Variants in SLC16A6 observed in about 807,000 individuals in gnomAD.
SLC16A6 encodes the protein monocarboxylate transporter 7.
A neutral mutation model predicts 33.8 loss-of-function variants in SLC16A6; 15 were observed. That is an observed-to-expected ratio of 0.44 (90% CI 0.30 to 0.68). The LOEUF (loss-of-function observed/expected upper bound fraction) is 0.68, where lower values mean the gene tolerates loss of function less well. Ranked by LOEUF, SLC16A6 falls within the 30% of genes least tolerant of loss-of-function variation. The pLI is 0.10. For synonymous variants in SLC16A6, 219 were observed against 248.4 expected, an observed-to-expected ratio of 0.88 and a Z score of 1.11; for missense variants, 451 against 661.5, an observed-to-expected ratio of 0.68 and a Z score of 3.49.
chr17:68,287,752 C>T (rs782220888), intron 1 of SLC16A6, among the ~76,000 whole-genome samples: 19 of 151,964 alleles, frequency 1.3e-4, no homozygotes, highest in Non-Finnish European at 2.5e-4. Flanking sequence ...AAGATAAGAC[C>T]ACAATATAAA....
At chr17:68,289,614 T>C (rs2075922644) in intron 1 of SLC16A6, among the ~76,000 whole-genome samples, 1 of 152,340 alleles carries the variant, frequency 6.6e-6, no homozygotes, top group Non-Finnish European at 1.5e-5. Context: ...CCAGTCTGTA[T>C]TTGGCTAAAG....
At position 68,270,885 on chromosome 17, in the gene SLC16A6, G is replaced by A. The variant is rs782280325; in HGVS notation, c.1275C>T (p.Tyr425=). ...IEKMSSAAGV[Y]IFIQSIAGLA... ...GTCCTGCTATGCTCTGAATGAAGATGTAGACCCCAGCTGCAGAAGACATCT... is the reference window on the plus strand; with the variant it reads ...GTCCTGCTATGCTCTGAATGAAGATATAGACCCCAGCTGCAGAAGACATCT... Residue 425 remains tyrosine, a synonymous_variant, in exon 5 of 6, where the codon TAC becomes TAT. Transcript: ENST00000580666. 24 of 1,614,008 alleles carry A rather than the reference G, an allele frequency of 1.5e-5. No homozygotes were observed. In the Admixed American group the frequency reaches 1.5e-4, roughly 10 times the overall value.
Position 68,271,029 on chromosome 17 carries a change from A to G in SLC16A6, c.1131T>C (p.Thr377=). 5 of 1,614,222 alleles carry G rather than the reference A, an allele frequency of 3.1e-6. No homozygotes were observed. Among genetic ancestry groups the G allele is most frequent in the Non-Finnish European group, 4.2e-6 (5 of 1,180,048 alleles). The change falls in exon 5 of 6, where the codon ACT becomes ACC. Residue 377 remains threonine (T), a synonymous_variant. Coordinates refer to ENST00000580666, the MANE Select transcript of SLC16A6 (RefSeq NM_004694.5). This position sits in a 1 kb window ranked among gnomAD's most constrained non-coding sequence, Gnocchi z 5.3. ...TTAGACCCCAGAATTCAGTAGCAAAAGTAAAGGCAAACAGAGACACAGTCA... is the reference window on the plus strand; with the variant it reads ...TTAGACCCCAGAATTCAGTAGCAAAGGTAAAGGCAAACAGAGACACAGTCA... ...ILLTVSLFAF[T]FATEFWGLMS...
At chr17:68,286,206 C>G (rs1193093686) in intron 1 of SLC16A6, among the ~76,000 whole-genome samples, 2 of 152,202 alleles carry the variant, frequency 1.3e-5, no homozygotes, top group Admixed American at 1.3e-4. Flanking sequence ...CACTGAAGTT[C>G]TGGTGCCAGC....
At position 68,271,193 on chromosome 17, in the gene SLC16A6, C is replaced by G. The variant is rs531982378; in HGVS notation, c.967G>C (p.Gly323Arg). Reference sequence around the variant, plus strand: ...AAAGCAGCGCGGTCCTGGTCAATGCCCAGACTAATGCCCAGAGGAATGATG... The same window carrying G: ...AAAGCAGCGCGGTCCTGGTCAATGCGCAGACTAATGCCCAGAGGAATGATG... ...LYIIPLGISL[G>R]IDQDRAAFLL... Residue 323 changes from glycine (G) to arginine (R), a missense_variant, in exon 5 of 6, where the codon GGC (glycine) becomes CGC (arginine). By Grantham distance (125) the Gly-to-Arg change is moderately radical. Around this residue, in one of 2 missense-constraint regions of SLC16A6, gnomAD observed 405 missense variants for 510.7 expected, o/e 0.79. Coordinates refer to ENST00000580666, the MANE Select transcript of SLC16A6 (RefSeq NM_004694.5). This position sits in a 1 kb window ranked among gnomAD's most constrained non-coding sequence, Gnocchi z 5.3. 6.2e-7 allele frequency: 1 copy of G among 1,613,998 alleles called. No individual in the cohort carries two copies. The highest frequency in any genetic ancestry group is 2.2e-5 in the East Asian group (1 of 44,886).
intron 1 of SLC16A6, among the ~76,000 whole-genome samples, chr17:68,282,062 T>C (rs2075711629): frequency 6.6e-6 from 1 of 152,178 alleles, no homozygotes. Flanking sequence ...GTATGTTTAT[T>C]GCGGCACTAT....
chr17:68,277,402 T>C (rs2075558892), intron 2 of SLC16A6, among the ~76,000 whole-genome samples: 1 of 152,024 alleles, frequency 6.6e-6, no homozygotes, highest in South Asian at 2.1e-4. Flanking sequence ...AGTGCTGGGA[T>C]TACAGGCGTG....
chr17:68,274,215 C>CAA, intron 2 of SLC16A6, 145 bp from the exon 3 acceptor site: 1 of 803,146 alleles, frequency 1.2e-6, no homozygotes, highest in Non-Finnish European at 1.9e-6. Context: ...CCTGTAATCC[C>CAA]AGCACTTTGG....
At position 68,286,848 on chromosome 17, in the gene SLC16A6, G is replaced by A. The variant is rs146668788; in HGVS notation, c.-8+4238C>T. ...CTATTAATCAACTGATGGCTTAAGC[G>A]AAGCCTGGTGGCCCAAGGAAACTGA... is the stretch of plus-strand genomic sequence containing the variant. On this transcript the variant is annotated intron_variant, in intron 1 of 5. Coordinates refer to ENST00000580666, the MANE Select transcript of SLC16A6 (RefSeq NM_004694.5). 1.1e-3 allele frequency among the ~76,000 whole-genome samples: 164 copies of A among 152,284 alleles called. 2 individuals are homozygous for A. The East Asian group carries it at 0.028, about 26-fold the overall frequency.
chr17:68,270,337 C>T (rs9891425), intron 5 of SLC16A6, among the ~76,000 whole-genome samples: 8,411 of 151,944 alleles, frequency 0.055, 767 homozygotes, highest in African/African-American at 0.19. Flanking sequence ...AGGCGGATCA[C>T]GAGGTCAAGA....
chr17:68,274,152 G>A (rs2075435746), intron 2 of SLC16A6, 82 bp from the exon 3 acceptor site: 1 of 1,418,482 alleles, frequency 7.0e-7, no homozygotes. Context: ...TCCACGTCTT[G>A]CACATGGAGA....
At chr17:68,273,804 T>C (rs550607933) in intron 3 of SLC16A6, 123 bp downstream of exon 3, 83 of 1,196,326 alleles carry the variant, frequency 6.9e-5, no homozygotes, top group Non-Finnish European at 9.7e-5. Flanking sequence ...TCTGAGACAC[T>C]GTTAATGTTA....
intron 1 of SLC16A6, 140 bp from the exon 2 acceptor site, chr17:68,278,467 T>C: frequency 1.6e-6 from 1 of 607,248 alleles, no homozygotes; most frequent in Middle Eastern, 4.5e-4. Flanking sequence ...ATTTATTTAT[T>C]GAGATGGAGT....
At chr17:68,286,666 G>A (rs782058399) in intron 1 of SLC16A6, among the ~76,000 whole-genome samples, 2 of 151,970 alleles carry the variant, frequency 1.3e-5, no homozygotes, top group Non-Finnish European at 2.9e-5. Context: ...CATCATGCCC[G>A]GTTGATTTTT....
In SLC16A6 at chr17:68,271,010, C is replaced by T. The variant is rs2075321768; in HGVS notation, c.1150G>A (p.Gly384Ser). The T allele has an allele frequency of 6.2e-7, 1 of 1,614,070 alleles. No homozygotes were observed. Among genetic ancestry groups the T allele is most frequent in the South Asian group, 1.1e-5 (1 of 91,072 alleles). Residue 384 changes from glycine to serine, a missense_variant, in exon 5 of 6, where the codon GGT becomes AGT. Gly to Ser is a moderately conservative substitution (Grantham distance 56). Transcript: ENST00000580666. The surrounding 1 kb of genome is among the most constrained non-coding windows in gnomAD (Gnocchi z 5.3). The stretch of plus-strand genomic sequence containing the variant: ...AAAAATATGCTGCATGACATTAGAC[C>T]CCAGAATTCAGTAGCAAAAGTAAAG... ...FAFTFATEFW[G>S]LMSCSIFFGF...
At position 68,275,238 on chromosome 17, in the gene SLC16A6, A is replaced by G. The variant is rs116278978; in HGVS notation, c.233-1168T>C. ...TTTAAATCTGGCAAATTAGTTTCCT[A>G]GTTATAGGTTACTTAATATTAACTT... On this transcript the variant is annotated intron_variant, in intron 2 of 5. Coordinates refer to ENST00000580666, the MANE Select transcript of SLC16A6 (RefSeq NM_004694.5). Among the ~76,000 whole-genome samples, 583 of 152,316 alleles carry G rather than the reference A, an allele frequency of 3.8e-3. 6 individuals are homozygous for G. Among genetic ancestry groups the G allele is most frequent in the African/African-American group, 0.013 (547 of 41,576 alleles).
Position 68,274,047 on chromosome 17 carries a change from T to C in SLC16A6, c.256A>G (p.Asn86Asp). Residue 86 changes from asparagine (N) to aspartate (D), a missense_variant, in exon 3 of 6, where the codon AAT becomes GAT. Coordinates refer to ENST00000580666, the MANE Select transcript of SLC16A6 (RefSeq NM_004694.5). ...ACTACCAGACGGTGTCCGAAACGAT[T>C]GCTCAGGACTGTGGCGAGGGGAGCT... is the stretch of plus-strand genomic sequence containing the variant. ...FSAPLATVLS[N>D]RFGHRLVVML... 1.9e-6 allele frequency: 3 copies of C among 1,614,126 alleles called. No individual in the cohort carries two copies. The South Asian group carries it at 3.3e-5, about 18-fold the overall frequency.
Position 68,273,941 on chromosome 17 carries a change from A to G in SLC16A6, c.362T>C (p.Ile121Thr), listed in dbSNP as rs35397826. ...SQEVSHMYVA[I>T]GIISGLGYCF... ...GGAACACTTACCAGAGATGATGCCG[A>G]TGGCGACGTACATATGAGAAACCTC... is the stretch of plus-strand genomic sequence containing the variant. The change falls in exon 3 of 6, where the codon ATC becomes ACC. Residue 121 changes from isoleucine to threonine, a missense_variant. Ile to Thr is a moderately conservative substitution (Grantham distance 89). Coordinates refer to ENST00000580666, the MANE Select transcript of SLC16A6 (RefSeq NM_004694.5). The G allele has an allele frequency of 0.12, 201,592 of 1,613,940 alleles. 13,010 individuals are homozygous for G. Among genetic ancestry groups the G allele is most frequent in the East Asian group, 0.16 (7,264 of 44,886 alleles).
At chr17:68,275,982 CA>C (rs1193683472) in intron 2 of SLC16A6, among the ~76,000 whole-genome samples, 85 of 116,400 alleles carry the variant, frequency 7.3e-4, no homozygotes, top group Admixed American at 7.1e-4. Flanking sequence ...GACTCCGTCT[CA>C]AAAAAAAAAA....
Sources: gnomAD v4.1 joint callset for allele counts (sites outside exome capture counted in the v4.1 genomes callset) on GRCh38, gnomAD v4.1.1 for gene constraint, gnomAD v4.1.1 regional missense constraint, Gnocchi (gnomAD v3.1) non-coding constraint, MANE v1.5 for transcripts, NCBI Gene and HGNC (gene_info 2026-07-23, HGNC 2026-07-21) for gene names.